AGBL1: variants seen among roughly 807,000 people sequenced by gnomAD.
AGBL1 encodes AGBL carboxypeptidase 1.
Under a neutral mutation model 118.9 loss-of-function variants are expected in AGBL1, and 130 were observed. The ratio of observed to expected loss-of-function variants is 1.09; its 90% CI spans 0.95 to 1.26. The LOEUF (loss-of-function observed/expected upper bound fraction) is 1.26. Among genes scored for constraint, AGBL1 ranks in the 50% most tolerant of loss-of-function variants. The pLI is 0.00. For missense variants in AGBL1, 1,584 were observed against 1,298.1 expected (o/e 1.22, Z -3.38); for synonymous variants, 555 against 478.9 (o/e 1.16, Z -2.08).
chr15:86,773,297 T>C (rs2078207827), intron 22 of AGBL1, among the ~76,000 whole-genome samples: 1 of 152,002 alleles, frequency 6.6e-6, no homozygotes, highest in East Asian at 1.9e-4. Context: ...CACTCCTGAG[T>C]GGAAGAGGTG....
chr15:86,453,119 T>C (rs35717969), intron 18 of AGBL1, among the ~76,000 whole-genome samples: 81,792 of 151,906 alleles, frequency 0.54, 22,875 homozygotes, highest in East Asian at 0.82. Flanking sequence ...GTAGGGACTT[T>C]GTCTTGTCTG....
intron 1 of AGBL1, among the ~76,000 whole-genome samples, chr15:86,083,093 G>C (rs541836965): frequency 7.2e-5 from 11 of 152,310 alleles, no homozygotes; most frequent in East Asian, 5.8e-4. Context: ...GTGGTTTTAT[G>C]ATTTCCCTCG....
chr15:86,957,026 A>G (rs1467127337), intron 23 of AGBL1, among the ~76,000 whole-genome samples: 2 of 152,114 alleles, frequency 1.3e-5, no homozygotes, highest in East Asian at 3.9e-4. Flanking sequence ...AAAAGAAAAA[A>G]CATGACATGA....
intron 22 of AGBL1, among the ~76,000 whole-genome samples, chr15:86,748,908 T>G (rs1013669846): frequency 3.3e-5 from 5 of 152,154 alleles, no homozygotes; most frequent in Non-Finnish European, 5.9e-5. Flanking sequence ...TTTTGGTTAC[T>G]GTAGCCTTGT....
intron 17 of AGBL1, among the ~76,000 whole-genome samples, chr15:86,384,461 G>A (rs1028763104): frequency 1.3e-5 from 2 of 152,048 alleles, no homozygotes; most frequent in African/African-American, 2.4e-5. Flanking sequence ...AGTGACTGCC[G>A]TTTCTGTGTG....
chr15:86,489,855 G>C (rs1208375870), intron 18 of AGBL1, among the ~76,000 whole-genome samples: 3 of 152,130 alleles, frequency 2.0e-5, no homozygotes, highest in African/African-American at 4.8e-5. Flanking sequence ...GAAAGCTAGA[G>C]AAAGTCTGCC....
At chr15:86,764,853 T>C (rs1352614236) in intron 22 of AGBL1, among the ~76,000 whole-genome samples, 1 of 152,050 alleles carries the variant, frequency 6.6e-6, no homozygotes, top group Non-Finnish European at 1.5e-5. Context: ...TGAATGTAGA[T>C]TATACAGAAA....
chr15:86,384,011 T>C (rs537956496), intron 17 of AGBL1, among the ~76,000 whole-genome samples: 1 of 152,346 alleles, frequency 6.6e-6, no homozygotes, highest in South Asian at 2.1e-4. Flanking sequence ...TAATAAAGTA[T>C]AACAGGGTGG....
intron 24 of AGBL1, among the ~76,000 whole-genome samples, chr15:87,009,512 C>T (rs541085953): frequency 6.6e-6 from 1 of 152,332 alleles, no homozygotes; most frequent in Non-Finnish European, 1.5e-5. Flanking sequence ...TGGATTGGAG[C>T]CCCCACACAG....
At chr15:86,616,339 C>CAAAAAAAAAAAAAAAAA (rs199936794) in intron 21 of AGBL1, among the ~76,000 whole-genome samples, 8 of 49,294 alleles carry the variant, frequency 1.6e-4, no homozygotes, top group Admixed American at 5.7e-4. Context: ...TCCTCCACTT[C>CAAAAAAAAAAAAAAAAA]AAAAAAAAAA....
intron 21 of AGBL1, among the ~76,000 whole-genome samples, chr15:86,588,378 T>A (rs141941347): frequency 6.6e-6 from 1 of 152,204 alleles, no homozygotes; most frequent in African/African-American, 2.4e-5. Flanking sequence ...GTAATTCTAC[T>A]GTCCTAAACA....
chr15:86,656,442 T>C (rs2085462714), intron 21 of AGBL1, among the ~76,000 whole-genome samples: 1 of 152,162 alleles, frequency 6.6e-6, no homozygotes, highest in Admixed American at 6.6e-5. Context: ...AACCCAGTGT[T>C]GTAGAGTTCT....
chr15:86,332,415 G>A (rs1021286757), intron 17 of AGBL1, among the ~76,000 whole-genome samples: 3 of 152,232 alleles, frequency 2.0e-5, no homozygotes, highest in African/African-American at 4.8e-5. Flanking sequence ...GGGAGGCTGA[G>A]GTGGGCGGAT....
intron 24 of AGBL1, among the ~76,000 whole-genome samples, chr15:86,996,418 T>C (rs570996164): frequency 2.0e-5 from 3 of 152,182 alleles, no homozygotes; most frequent in Non-Finnish European, 4.4e-5. Context: ...TTCCACAGTA[T>C]ATACACTTTG....
intron 23 of AGBL1, among the ~76,000 whole-genome samples, chr15:86,943,277 A>G (rs537873426): frequency 3.3e-5 from 5 of 152,340 alleles, no homozygotes; most frequent in African/African-American, 1.2e-4. Context: ...TGGCAATTCT[A>G]CTGGAAACTT....
Position 86,883,630 on chromosome 15 carries a change from G to A in AGBL1, c.3159-23457G>A, listed in dbSNP as rs185352258. On this transcript the variant is annotated intron_variant, in intron 22 of 22. Coordinates refer to ENST00000614907, the MANE Select transcript of AGBL1 (RefSeq NM_001386094.1). ...CGTAATTGATCTCCAAGCCCATCTC[G>A]CCCCGACTCCACTCCTAGGCTCTTT... Among the ~76,000 whole-genome samples the A allele has an allele frequency of 1.4e-3, 210 of 152,118 alleles. 1 individual carries two copies. The highest frequency in any genetic ancestry group is 4.8e-3 in the African/African-American group (200 of 41,482).
chr15:86,117,311 C>A (rs1897826244), intron 1 of AGBL1, among the ~76,000 whole-genome samples: 1 of 152,066 alleles, frequency 6.6e-6, no homozygotes. Context: ...GCTCTCCTGA[C>A]CAACTTTTTT....
intron 23 of AGBL1, among the ~76,000 whole-genome samples, chr15:86,984,861 A>T (rs2081266012): frequency 6.6e-6 from 1 of 152,190 alleles, no homozygotes; most frequent in African/African-American, 2.4e-5. Flanking sequence ...AACCACCACT[A>T]CAATATATAC....
intron 22 of AGBL1, among the ~76,000 whole-genome samples, chr15:86,713,944 G>C (rs1372624203): frequency 6.6e-6 from 1 of 152,214 alleles, no homozygotes; most frequent in Non-Finnish European, 1.5e-5. Context: ...TGCCATGCAT[G>C]ATGGGTGTCT....
Sources: gnomAD v4.1 joint callset for allele counts (sites outside exome capture counted in the v4.1 genomes callset) on GRCh38, gnomAD v4.1.1 for gene constraint, MANE v1.5 for transcripts, NCBI Gene and HGNC (gene_info 2026-07-23, HGNC 2026-07-21) for gene names.